Variants in MRPS31 observed in about 807,000 individuals in gnomAD.
The protein encoded by MRPS31 is small ribosomal subunit protein mS31.
MRPS31 carries 32 observed loss-of-function variants against 43.1 expected under a neutral mutation model. The observed-to-expected ratio is 0.74, with a 90% CI of 0.56 to 1.00. The LOEUF (loss-of-function observed/expected upper bound fraction) is 1.00, where lower values mean the gene tolerates loss of function less well. Ranked by LOEUF, MRPS31 falls within the 50% of genes least tolerant of loss-of-function variation. The pLI is 0.00. For missense variants in MRPS31, 437 were observed against 466.7 expected (o/e 0.94, Z 0.59); for synonymous variants, 165 against 161.6 (o/e 1.02, Z -0.16).
intron 5 of MRPS31, among the ~76,000 whole-genome samples, chr13:40,751,244 C>T (rs569035347): frequency 4.6e-5 from 7 of 152,306 alleles, no homozygotes; most frequent in Non-Finnish European, 1.0e-4. Flanking sequence ...TTATCTTTTA[C>T]TTGGTGGTCA....
Position 40,729,208 on chromosome 13 carries a change from C to A in MRPS31, c.*164G>T, listed in dbSNP as rs1021075710. ...TGAATACTGATGATTTTTCTCCATG[C>A]AAGAATATTTTTCAGTTACCATCAT... On this transcript the variant is annotated 3_prime_UTR_variant, in exon 7 of 7. Transcript: ENST00000323563. 1.7e-5 allele frequency: 8 copies of A among 477,486 alleles called. No homozygotes were observed. Among genetic ancestry groups the A allele is most frequent in the South Asian group, 1.1e-4 (3 of 27,578 alleles). The allele number at this position is 477,486 out of a possible 1,614,324, so 29.6% of individuals were successfully genotyped here.
chr13:40,762,776 T>C (rs530640196), intron 2 of MRPS31, among the ~76,000 whole-genome samples: 13 of 146,136 alleles, frequency 8.9e-5, no homozygotes, highest in Non-Finnish European at 1.6e-4. Context: ...TGACATAGTA[T>C]AGACATTGTG....
At chr13:40,753,455 G>GT (rs1010162549) in intron 5 of MRPS31, among the ~76,000 whole-genome samples, 1 of 152,206 alleles carries the variant, frequency 6.6e-6, no homozygotes, top group Non-Finnish European at 1.5e-5. Flanking sequence ...CTGTCTCACA[G>GT]AATGCAACAT....
chr13:40,747,759 C>G (rs538511734), intron 6 of MRPS31, among the ~76,000 whole-genome samples: 2 of 152,146 alleles, frequency 1.3e-5, no homozygotes, highest in South Asian at 4.1e-4. Context: ...ATGAGAATTG[C>G]TTGAACCCGG....
intron 2 of MRPS31, among the ~76,000 whole-genome samples, chr13:40,759,625 T>C (rs1426710606): frequency 6.6e-6 from 1 of 152,212 alleles, no homozygotes; most frequent in Admixed American, 6.5e-5. Flanking sequence ...ATATAAACTT[T>C]GAAATGTTAA....
chr13:40,744,494 G>A (rs1880186365), intron 6 of MRPS31, among the ~76,000 whole-genome samples: 1 of 152,150 alleles, frequency 6.6e-6, no homozygotes, highest in African/African-American at 2.4e-5. Context: ...AACATATGAT[G>A]TTTTCATATA....
At chr13:40,768,639 G>C (rs368563317) in intron 1 of MRPS31, among the ~76,000 whole-genome samples, 5 of 151,908 alleles carry the variant, frequency 3.3e-5, no homozygotes, top group Admixed American at 6.6e-5. Context: ...CGATCTGCCC[G>C]CCTCCCAAAG....
intron 6 of MRPS31, among the ~76,000 whole-genome samples, chr13:40,737,375 G>A (rs1189907435): frequency 6.6e-6 from 1 of 152,014 alleles, no homozygotes; most frequent in Non-Finnish European, 1.5e-5. Context: ...ACAGATCAAT[G>A]AGACAGAAAG....
chr13:40,740,028 G>A lies in MRPS31; in HGVS notation c.958+9110C>T, dbSNP rs1344149213. The stretch of plus-strand genomic sequence containing the variant: ...ACCTACAAAATGGGAGAAAATTTTC[G>A]CAACCTACTCATCTGACAAAGGGCT... On this transcript the variant is annotated intron_variant, in intron 6 of 6. Coordinates refer to ENST00000323563, the MANE Select transcript of MRPS31 (RefSeq NM_005830.4). Among the ~76,000 whole-genome samples the A allele has an allele frequency of 5.4e-5, 8 of 149,076 alleles. No individual in the cohort carries two copies. In the South Asian group the frequency reaches 8.5e-4, roughly 16 times the overall value.
At chr13:40,731,252 CA>C (rs1161901636) in intron 6 of MRPS31, 869 of 65,144 alleles carry the variant, frequency 0.013, 2 homozygotes, top group Middle Eastern at 0.037. Context: ...GACCCTGTCT[CA>C]AAAAAAAAAA....
At chr13:40,733,995 G>T (rs1401183420) in intron 6 of MRPS31, among the ~76,000 whole-genome samples, 1 of 151,020 alleles carries the variant, frequency 6.6e-6, no homozygotes, top group Non-Finnish European at 1.5e-5. Flanking sequence ...CAGGTGCAGC[G>T]GCTCATGTCT....
chr13:40,750,578 T>C (rs1307969638), intron 5 of MRPS31, among the ~76,000 whole-genome samples: 1 of 151,840 alleles, frequency 6.6e-6, no homozygotes, highest in Non-Finnish European at 1.5e-5. Flanking sequence ...TCAATATCTA[T>C]CCCTTGGCTA....
intron 1 of MRPS31, among the ~76,000 whole-genome samples, chr13:40,768,211 A>G (rs1435490252): frequency 6.6e-6 from 1 of 152,230 alleles, no homozygotes. Context: ...ATATTAAAAA[A>G]TTATTTGCTA....
intron 6 of MRPS31, among the ~76,000 whole-genome samples, chr13:40,734,204 C>G (rs1879803144): frequency 6.6e-6 from 1 of 151,916 alleles, no homozygotes; most frequent in Non-Finnish European, 1.5e-5. Flanking sequence ...AAAAAAGTAC[C>G]AAGACAGAGG....
In MRPS31 at chr13:40,771,122, G is replaced by A; in HGVS notation, c.15C>T (p.Val5=). Residue 5 remains valine (V), a synonymous_variant, in exon 1 of 7, where the codon GTC becomes GTT. Transcript: ENST00000323563. MFPR[V]STFLPLRPLS... is the part of the protein sequence containing the mutation. ...GGGGGCGAAGAGGTAGGAACGTCGA[G>A]ACTCTAGGAAACATCGCCGAGACAC... The A allele has an allele frequency of 6.2e-7, 1 of 1,611,510 alleles. No individual in the cohort carries two copies. Among genetic ancestry groups the A allele is most frequent in the Non-Finnish European group, 8.5e-7 (1 of 1,178,590 alleles).
chr13:40,770,770 T>C, intron 1 of MRPS31: 5 of 549,130 alleles, frequency 9.1e-6, no homozygotes, highest in South Asian at 2.1e-5. Context: ...ACAAGAGGAA[T>C]GAGGCGCGGC....
intron 5 of MRPS31, among the ~76,000 whole-genome samples, chr13:40,753,613 C>T (rs1190328699): frequency 6.6e-6 from 1 of 152,136 alleles, no homozygotes; most frequent in Non-Finnish European, 1.5e-5. Context: ...GCAGGTGTCC[C>T]TGAGAACCCA....
At chr13:40,763,059 AT>A (rs1880747647) in intron 2 of MRPS31, among the ~76,000 whole-genome samples, 1 of 152,216 alleles carries the variant, frequency 6.6e-6, no homozygotes, top group South Asian at 2.1e-4. Flanking sequence ...TAAGTGAGTA[AT>A]AGTTAGCTGA....
intron 3 of MRPS31, among the ~76,000 whole-genome samples, chr13:40,757,607 G>A (rs1880566439): frequency 6.6e-6 from 1 of 151,508 alleles, no homozygotes; most frequent in East Asian, 2.0e-4. Flanking sequence ...ACCATGCCAG[G>A]CTAATTTTTT....
Sources: allele counts gnomAD v4.1 joint callset (sites outside exome capture counted in the v4.1 genomes callset), GRCh38; gene constraint gnomAD v4.1.1; transcripts MANE v1.5; gene names NCBI Gene and HGNC (gene_info 2026-07-23, HGNC 2026-07-21).